The following CD99L2 variants were observed in gnomAD, a reference collection of about 807,000 sequenced individuals.
CD99L2 encodes CD99 antigen-like protein 2.
In CD99L2, 24 loss-of-function variants were observed where a neutral mutation model predicts 27.3. The ratio of observed to expected loss-of-function variants is 0.88; its 90% CI spans 0.64 to 1.24. The LOEUF (loss-of-function observed/expected upper bound fraction) is 1.24, where lower values mean the gene tolerates loss of function less well. CD99L2 is among the 50% of genes most tolerant of loss of function. CD99L2 has a pLI of 0.00. For missense variants in CD99L2, 255 were observed against 221.6 expected (o/e 1.15, Z -0.96); for synonymous variants, 97 against 87.9 (o/e 1.10, Z -0.58).
At chrX:150,850,344 C>CA (rs1175332501) in intron 1 of CD99L2, among the ~76,000 whole-genome samples, 1 of 111,611 alleles carries the variant, frequency 9.0e-6, no homozygotes, top group Non-Finnish European at 1.9e-5. Flanking sequence ...AAGGCCAGCT[C>CA]AGCAGTGGCC....
At chrX:150,801,487 G>A (rs138430421) in intron 4 of CD99L2, among the ~76,000 whole-genome samples, 217 of 111,359 alleles carry the variant, frequency 1.9e-3, no homozygotes, top group Non-Finnish European at 2.3e-3. Context: ...ACTCACTATC[G>A]TGAGAACAGC....
chrX:150,777,357 CT>C, intron 8 of CD99L2, 86 bp downstream of exon 8: 1 of 1,116,361 alleles, frequency 9.0e-7, no homozygotes, highest in Non-Finnish European at 1.2e-6. Context: ...TCTAGCTTGA[CT>C]TTTCCCTTGG....
intron 9 of CD99L2, among the ~76,000 whole-genome samples, chrX:150,774,598 C>CT (rs1445428950): frequency 8.9e-6 from 1 of 112,078 alleles, no homozygotes; most frequent in Non-Finnish European, 1.9e-5. Context: ...GCGGCTTCTA[C>CT]TTTTTTGCCA....
At chrX:150,804,472 C>T (rs1428307533) in intron 4 of CD99L2, among the ~76,000 whole-genome samples, 1 of 111,907 alleles carries the variant, frequency 8.9e-6, no homozygotes, top group Non-Finnish European at 1.9e-5. Context: ...TCTCTCCAGG[C>T]ACGGTGGCTC....
intron 10 of CD99L2, among the ~76,000 whole-genome samples, chrX:150,769,987 TC>T (rs782367670): frequency 8.9e-6 from 1 of 112,981 alleles, no homozygotes; most frequent in East Asian, 2.8e-4. Context: ...ATGGCTCTGT[TC>T]AGGATGTAAT....
In CD99L2 at chrX:150,839,161, CATATA is replaced by C. The variant is rs782716354; in HGVS notation, c.68-7873_68-7869del. On this transcript the variant is annotated intron_variant, in intron 1 of 10. Transcript: ENST00000370377. Reference sequence around the variant, plus strand: ...AGAGCAATATTTTATGGAAATAAAGCATATAATATACCAGTAAATAAAAGTTATGG... The same window carrying C: ...AGAGCAATATTTTATGGAAATAAAGCATATACCAGTAAATAAAAGTTATGG... Among the ~76,000 whole-genome samples, 268 of 111,635 alleles carry C rather than the reference CATATA, an allele frequency of 2.4e-3. 3 individuals carry two copies. The highest frequency in any genetic ancestry group is 7.8e-3 in the African/African-American group (240 of 30,763).
chrX:150,832,809 G>A (rs1056707899), intron 1 of CD99L2, among the ~76,000 whole-genome samples: 18 of 111,644 alleles, frequency 1.6e-4, no homozygotes, highest in Non-Finnish European at 3.4e-4. Flanking sequence ...CAGCACTTTG[G>A]GAGGCCGAGG....
chrX:150,855,493 CCA>C (rs1569566087), intron 1 of CD99L2, among the ~76,000 whole-genome samples: 2 of 110,835 alleles, frequency 1.8e-5, no homozygotes, highest in Admixed American at 9.5e-5. Flanking sequence ...GGGGGAAGTG[CCA>C]CACACTTTTA....
In CD99L2 at chrX:150,776,298, G is replaced by T; in HGVS notation, c.536-5C>A. On this transcript the variant is annotated splice_polypyrimidine_tract_variant and splice_region_variant and intron_variant, in intron 8 of 10. Coordinates refer to ENST00000370377, the MANE Select transcript of CD99L2 (RefSeq NM_031462.4). The stretch of plus-strand genomic sequence containing the variant: ...TGCCAGGCTCTGCCACCATGCCTGC[G>T]TGAAGAAGGGGGAGAAATGAGGACA... The T allele has an allele frequency of 8.3e-7, 1 of 1,200,306 alleles. No individual in the cohort carries two copies. The highest frequency in any genetic ancestry group is 1.1e-6 in the Non-Finnish European group (1 of 889,739).
intron 2 of CD99L2, 176 bp from the exon 3 acceptor site, chrX:150,816,254 T>A (rs2046153730): frequency 2.2e-6 from 1 of 454,440 alleles, no homozygotes; most frequent in African/African-American, 2.4e-5. Flanking sequence ...ATGATATAGG[T>A]TTAAATGAGA....
intron 1 of CD99L2, among the ~76,000 whole-genome samples, chrX:150,858,797 A>G (rs782410445): frequency 8.9e-6 from 1 of 112,139 alleles, no homozygotes; most frequent in African/African-American, 3.2e-5. Flanking sequence ...GGAACTAGAA[A>G]AGAATAATCC....
intron 1 of CD99L2, among the ~76,000 whole-genome samples, chrX:150,863,906 G>A (rs1557421972): frequency 8.9e-6 from 1 of 111,960 alleles, no homozygotes; most frequent in Non-Finnish European, 1.9e-5. Flanking sequence ...AGGGATGCCA[G>A]GGACTGATGG....
intron 1 of CD99L2, among the ~76,000 whole-genome samples, chrX:150,843,056 C>T (rs2046645727): frequency 8.9e-6 from 1 of 112,465 alleles, no homozygotes; most frequent in African/African-American, 3.2e-5. Flanking sequence ...ATGCCAAGAG[C>T]AAGCATCTCT....
Position 150,793,703 on chromosome X carries a change from C to G in CD99L2, c.484G>C (p.Asp162His). The G allele has an allele frequency of 8.4e-7, 1 of 1,195,768 alleles. No individual in the cohort carries two copies. The highest frequency in any genetic ancestry group is 1.1e-6 in the Non-Finnish European group (1 of 888,327). The part of the protein sequence containing the change: ...DIVGGGEYKP[D>H]KGKGDGRYGS... Reference sequence around the variant, plus strand: ...TCAATGCTCCTACCTTTACCCTTGTCAGGTTTGTATTCTCCACCCCCTACT... The same window carrying G: ...TCAATGCTCCTACCTTTACCCTTGTGAGGTTTGTATTCTCCACCCCCTACT... The change falls in exon 7 of 11, where the codon GAC becomes CAC. Residue 162 changes from aspartate to histidine, a missense_variant. Transcript: ENST00000370377.
intron 4 of CD99L2, among the ~76,000 whole-genome samples, chrX:150,802,141 A>G (rs1222625346): frequency 8.9e-6 from 1 of 112,441 alleles, no homozygotes; most frequent in Non-Finnish European, 1.9e-5. Context: ...GAAAATTCCA[A>G]GAAATCTACA....
chrX:150,824,381 A>AAAG lies in CD99L2; in HGVS notation c.130+6847_130+6849dup, dbSNP rs782780396. On this transcript the variant is annotated intron_variant, in intron 2 of 10. Coordinates refer to ENST00000370377, the MANE Select transcript of CD99L2 (RefSeq NM_031462.4). The stretch of plus-strand genomic sequence containing the variant: ...AAGAAGGAAGAAGAAGAAGAAGAAG[A>AAAG]AAGAAGAAGAAGAAGAAGAAAGAAG... Among the ~76,000 whole-genome samples, 722 of 86,630 alleles carry AAAG rather than the reference A, an allele frequency of 8.3e-3. 14 individuals carry two copies. The highest frequency in any genetic ancestry group is 0.029 in the African/African-American group (664 of 22,790). 75.2% of individuals were successfully genotyped at this position (86,630 alleles called of 115,157 possible). A position where few individuals can be genotyped will look rare whatever the true frequency, so the allele number is the denominator to read the frequency against.
intron 1 of CD99L2, among the ~76,000 whole-genome samples, chrX:150,838,928 G>C (rs1455779175): frequency 2.5e-5 from 2 of 79,984 alleles, no homozygotes; most frequent in East Asian, 8.8e-4. Context: ...TGGGGGGGGG[G>C]GTGTAAATAG....
chrX:150,827,929 G>A (rs907906550), intron 2 of CD99L2, among the ~76,000 whole-genome samples: 7 of 111,675 alleles, frequency 6.3e-5, no homozygotes, highest in Non-Finnish European at 9.4e-5. Context: ...TGGCGTCTTT[G>A]TCAAAAATCA....
intron 7 of CD99L2, among the ~76,000 whole-genome samples, chrX:150,777,713 C>T (rs2045423685): frequency 8.9e-6 from 1 of 112,488 alleles, no homozygotes; most frequent in Non-Finnish European, 1.9e-5. Context: ...ATTAAAATGG[C>T]AGCCACCTTG....
Sources: gnomAD v4.1 joint callset for allele counts (sites outside exome capture counted in the v4.1 genomes callset) on GRCh38, gnomAD v4.1.1 for gene constraint, MANE v1.5 for transcripts, NCBI Gene and HGNC (gene_info 2026-07-23, HGNC 2026-07-21) for gene names.